Variants in FAM222A observed in about 807,000 individuals in gnomAD.
FAM222A encodes the protein protein FAM222A.
FAM222A carries 7 observed loss-of-function variants against 25.8 expected under a neutral mutation model. That is an observed-to-expected ratio of 0.27 (90% confidence interval 0.15 to 0.51). The LOEUF (loss-of-function observed/expected upper bound fraction) is 0.51. Ranked by LOEUF, FAM222A falls within the 20% of genes least tolerant of loss-of-function variation. FAM222A has a pLI of 0.97. For missense variants in FAM222A, 573 were observed against 640.5 expected, an observed-to-expected ratio of 0.89 and a Z score of 1.14; for synonymous variants, 294 against 298.8, an observed-to-expected ratio of 0.98 and a Z score of 0.17.
At chr12:109,766,098 G>A (rs775731482) in intron 2 of FAM222A, among the ~76,000 whole-genome samples, 13 of 152,114 alleles carry the variant, frequency 8.5e-5, no homozygotes, top group South Asian at 2.1e-4. Context: ...CTGAGCCCCC[G>A]GCGCCTCCAT....
intron 2 of FAM222A, among the ~76,000 whole-genome samples, chr12:109,766,072 T>C (rs1889041096): frequency 1.3e-5 from 2 of 152,196 alleles, no homozygotes; most frequent in South Asian, 4.1e-4. Context: ...GCACCTATCA[T>C]GTACCTCACC....
chr12:109,739,602 C>A (rs1442166597), intron 1 of FAM222A, among the ~76,000 whole-genome samples: 1 of 152,180 alleles, frequency 6.6e-6, no homozygotes, highest in Non-Finnish European at 1.5e-5. Flanking sequence ...TCCTCTCACC[C>A]CTTCCTTCTG....
intron 2 of FAM222A, among the ~76,000 whole-genome samples, chr12:109,765,527 T>C (rs113698915): frequency 6.6e-6 from 1 of 152,240 alleles, no homozygotes; most frequent in East Asian, 1.9e-4. Context: ...CTGTTTACTC[T>C]GCCTGAAATC....
rs1265367258 is a variant in FAM222A, at chr12:109,753,962, A to G, written c.82+9734A>G. Among the ~76,000 whole-genome samples, 4 of 152,246 alleles carry G rather than the reference A, an allele frequency of 2.6e-5. No individual in the cohort carries two copies. In the East Asian group the frequency reaches 7.7e-4, roughly 29 times the overall value. Reference sequence around the variant, plus strand: ...GTCTGGGGCCACCCCTGCCGCAGGTACCAAGCCTGCAAGAGGACAGAGGCT... The same window carrying G: ...GTCTGGGGCCACCCCTGCCGCAGGTGCCAAGCCTGCAAGAGGACAGAGGCT... On this transcript the variant is annotated intron_variant, in intron 2 of 2. Transcript: ENST00000538780.
At position 109,731,952 on chromosome 12, in the gene FAM222A, G is replaced by A. The variant is rs113625856; in HGVS notation, c.-46-12149G>A. 6.8e-3 allele frequency among the ~76,000 whole-genome samples: 1,039 copies of A among 152,298 alleles called. 8 individuals are homozygous for A. Among genetic ancestry groups the A allele is most frequent in the Non-Finnish European group, 0.012 (783 of 68,020 alleles). ...GGCCTTGGAGTAGAAAGAGACCAGC[G>A]AAGGGTTTGTGAGGCCTGAGGCCCA... On this transcript the variant is annotated intron_variant, in intron 1 of 2. Coordinates refer to ENST00000538780, the MANE Select transcript of FAM222A (RefSeq NM_032829.3).
intron 1 of FAM222A, among the ~76,000 whole-genome samples, chr12:109,738,691 G>A (rs1299884777): frequency 6.6e-6 from 1 of 152,216 alleles, no homozygotes; most frequent in African/African-American, 2.4e-5. Flanking sequence ...GAGATTCTAA[G>A]TCCCTCAAAG....
chr12:109,717,318 G>A (rs534838769), intron 1 of FAM222A, among the ~76,000 whole-genome samples: 1 of 152,324 alleles, frequency 6.6e-6, no homozygotes, highest in South Asian at 2.1e-4. Context: ...CTTGAAACTC[G>A]CTCCTTGTCA....
intron 2 of FAM222A, among the ~76,000 whole-genome samples, chr12:109,761,460 C>T (rs768053249): frequency 3.9e-5 from 6 of 152,322 alleles, no homozygotes; most frequent in Non-Finnish European, 8.8e-5. Flanking sequence ...TAGAAAAGCA[C>T]AGAGGAGTAA....
chr12:109,732,440 G>A (rs1887966272), intron 1 of FAM222A, among the ~76,000 whole-genome samples: 1 of 152,248 alleles, frequency 6.6e-6, no homozygotes, highest in Non-Finnish European at 1.5e-5. Context: ...TGGGCTCCTG[G>A]ACGCCACCTG....
intron 2 of FAM222A, among the ~76,000 whole-genome samples, chr12:109,753,824 T>G (rs1223963699): frequency 6.7e-6 from 1 of 149,700 alleles, no homozygotes; most frequent in East Asian, 2.0e-4. Context: ...TAATAAAAGA[T>G]GGAAGAAACA....
At chr12:109,758,833 C>T (rs1888807532) in intron 2 of FAM222A, among the ~76,000 whole-genome samples, 1 of 152,186 alleles carries the variant, frequency 6.6e-6, no homozygotes, top group South Asian at 2.1e-4. Flanking sequence ...CCCCTTCCAT[C>T]CTAGAGAAGC....
At chr12:109,730,124 G>A (rs1294274960) in intron 1 of FAM222A, among the ~76,000 whole-genome samples, 5 of 152,210 alleles carry the variant, frequency 3.3e-5, no homozygotes, top group African/African-American at 1.2e-4. Context: ...CTCTTCCCTT[G>A]CCCACGCCAC....
At chr12:109,764,326 A>G (rs1252904318) in intron 2 of FAM222A, among the ~76,000 whole-genome samples, 1 of 151,896 alleles carries the variant, frequency 6.6e-6, no homozygotes, top group Non-Finnish European at 1.5e-5. Flanking sequence ...CAGAGGGACC[A>G]GGTCACCCTC....
At chr12:109,734,446 G>A (rs1250890980) in intron 1 of FAM222A, 2 of 151,994 alleles carry the variant, frequency 1.3e-5, no homozygotes, top group Non-Finnish European at 2.9e-5. Context: ...TGTGGCTCCT[G>A]GATTTCCAAG....
chr12:109,768,024 C>G lies in FAM222A; in HGVS notation c.95C>G (p.Ala32Gly). The change falls in exon 3 of 3, where the codon GCC (alanine) becomes GGC (glycine). Residue 32 changes from alanine (A) to glycine (G), a missense_variant. Physicochemically the swap from Ala to Gly is moderately conservative, Grantham distance 60. Around this residue, in one of 3 missense-constraint regions of FAM222A, gnomAD observed 112 missense variants for 154.6 expected, o/e 0.72. Coordinates refer to ENST00000538780, the MANE Select transcript of FAM222A (RefSeq NM_032829.3). The part of the protein sequence containing the change: ...SLELRKCEAV[A>G]SAMHSSRYPS... ...TTTCCTCCCACAGGCGAGGCGGTGG[C>G]CAGCGCCATGCATTCCTCCCGCTAC... 1 of 1,612,958 alleles carries G rather than the reference C, an allele frequency of 6.2e-7. No homozygotes were observed. The highest frequency in any genetic ancestry group is 1.1e-5 in the South Asian group (1 of 91,026).
intron 1 of FAM222A, among the ~76,000 whole-genome samples, chr12:109,718,949 A>G (rs182641723): frequency 4.5e-4 from 69 of 152,276 alleles, no homozygotes; most frequent in Non-Finnish European, 8.1e-4. Context: ...CTGAGTACCT[A>G]CTGCATGCAT....
At chr12:109,753,636 G>A (rs1218445017) in intron 2 of FAM222A, among the ~76,000 whole-genome samples, 1 of 152,108 alleles carries the variant, frequency 6.6e-6, no homozygotes, top group African/African-American at 2.4e-5. Context: ...GCTCGTGATA[G>A]ATGAGAAGCT....
At chr12:109,765,466 A>G (rs1212489485) in intron 2 of FAM222A, among the ~76,000 whole-genome samples, 1 of 152,134 alleles carries the variant, frequency 6.6e-6, no homozygotes, top group Non-Finnish European at 1.5e-5. Context: ...CTCCCGAGTC[A>G]TTTGCAGTTC....
intron 2 of FAM222A, chr12:109,744,569 T>C (rs1387079443): frequency 2.0e-6 from 2 of 985,262 alleles, no homozygotes; most frequent in East Asian, 2.3e-4. Flanking sequence ...TAAAGTAGGA[T>C]GACGTGGAAG....
Sources: allele counts gnomAD v4.1 joint callset (sites outside exome capture counted in the v4.1 genomes callset), GRCh38; gene constraint gnomAD v4.1.1; regional missense constraint gnomAD v4.1.1; transcripts MANE v1.5; gene names NCBI Gene and HGNC (gene_info 2026-07-23, HGNC 2026-07-21).